Variants in ABCC4 observed in about 807,000 individuals in gnomAD.
The protein encoded by ABCC4 is ATP-binding cassette sub-family C member 4.
A neutral mutation model predicts 168.5 loss-of-function variants in ABCC4; 102 were observed. The observed-to-expected ratio is 0.61, with a 90% CI of 0.52 to 0.71. The LOEUF is 0.71. Ranked by LOEUF, ABCC4 falls within the 30% of genes least tolerant of loss-of-function variation. ABCC4 has a pLI of 0.00. For missense variants in ABCC4, 1,402 were observed against 1,605.8 expected (o/e 0.87, Z 2.17); for synonymous variants, 617 against 590.7 (o/e 1.04, Z -0.65).
chr13:95,194,908 C>T lies in ABCC4; in HGVS notation c.1191G>A (p.Gln397=), dbSNP rs1358827915. Reference sequence around the variant, plus strand: ...CATCTGACGGCAGCTGACGGTTGCGCTGTGATATCTCATCAAGTAGCAAAA... The same window carrying T: ...CATCTGACGGCAGCTGACGGTTGCGTTGTGATATCTCATCAAGTAGCAAAA... ...QTFLLLDEIS[Q]RNRQLPSDGK... is the part of the protein sequence containing the mutation. Residue 397 remains glutamine, a synonymous_variant, in exon 9 of 31, where the codon CAG becomes CAA. Transcript: ENST00000645237. The T allele has an allele frequency of 6.2e-7, 1 of 1,614,080 alleles. No individual in the cohort carries two copies. Among genetic ancestry groups the T allele is most frequent in the Non-Finnish European group, 8.5e-7 (1 of 1,180,002 alleles).
chr13:95,094,789 T>C (rs1043470349), intron 20 of ABCC4, among the ~76,000 whole-genome samples: 3 of 151,270 alleles, frequency 2.0e-5, no homozygotes, highest in Non-Finnish European at 2.9e-5. Flanking sequence ...AAAGGAGTAA[T>C]ATCCAGAGTC....
At chr13:95,220,730 C>T (rs540213229) in intron 4 of ABCC4, among the ~76,000 whole-genome samples, 164 of 152,310 alleles carry the variant, frequency 1.1e-3, no homozygotes, top group African/African-American at 3.7e-3. Context: ...CCCACTTTCT[C>T]GACTCTATGA....
At chr13:95,127,373 C>A (rs766662209) in intron 19 of ABCC4, among the ~76,000 whole-genome samples, 1 of 152,150 alleles carries the variant, frequency 6.6e-6, no homozygotes, top group Non-Finnish European at 1.5e-5. Context: ...GCAACCTCCG[C>A]CTCCTGGGTT....
rs562523130 is a variant in ABCC4, at chr13:95,058,588, A to G, written c.3366+4116T>C. 2.5e-3 allele frequency among the ~76,000 whole-genome samples: 191 copies of G among 77,248 alleles called. 1 individual carries two copies. Among genetic ancestry groups the G allele is most frequent in the African/African-American group, 8.9e-3 (182 of 20,386 alleles). 50.7% of individuals were successfully genotyped at this position (77,248 alleles called of 152,430 possible). ...ATCTCAAAAAAAAAAAAAAAAAAAA[A>G]AAAAGAAAAGAAAAAGAAAAAGAAA... is the stretch of plus-strand genomic sequence containing the variant. On this transcript the variant is annotated intron_variant, in intron 26 of 30. Transcript: ENST00000645237.
intron 3 of ABCC4, among the ~76,000 whole-genome samples, chr13:95,244,576 C>T (rs7324520): frequency 0.48 from 45,280 of 94,280 alleles, 10,659 homozygotes; most frequent in African/African-American, 0.62. Flanking sequence ...TCTCAAAAAA[C>T]AAAATAAAAT....
chr13:95,073,182 A>G (rs1173419940), intron 24 of ABCC4, 22 bp downstream of exon 24: 1 of 1,589,694 alleles, frequency 6.3e-7, no homozygotes, highest in Admixed American at 1.7e-5. Flanking sequence ...GAAAAGGCAA[A>G]GAACGTGAAG....
chr13:95,275,593 T>C (rs2040952117), intron 1 of ABCC4, among the ~76,000 whole-genome samples: 1 of 127,692 alleles, frequency 7.8e-6, no homozygotes, highest in African/African-American at 2.8e-5. Context: ...TATAGGAAAA[T>C]GTTTAGGACT....
chr13:95,028,704 G>GAT (rs2031665660), intron 30 of ABCC4, among the ~76,000 whole-genome samples: 1 of 151,968 alleles, frequency 6.6e-6, no homozygotes, highest in South Asian at 2.1e-4. Context: ...AGGTAATAAA[G>GAT]ATAAAAGCAG....
At chr13:95,152,826 T>C (rs1213506185) in intron 19 of ABCC4, among the ~76,000 whole-genome samples, 2 of 152,142 alleles carry the variant, frequency 1.3e-5, no homozygotes, top group East Asian at 1.9e-4. Flanking sequence ...CAGTTATAAA[T>C]GGAAAACTCT....
At chr13:95,166,984 C>A (rs969839145) in intron 14 of ABCC4, among the ~76,000 whole-genome samples, 1 of 151,964 alleles carries the variant, frequency 6.6e-6, no homozygotes, top group Non-Finnish European at 1.5e-5. Flanking sequence ...GTCAGGAGTT[C>A]GAGACTAGCC....
chr13:95,043,155 T>C (rs975354926), intron 29 of ABCC4, among the ~76,000 whole-genome samples: 2 of 152,234 alleles, frequency 1.3e-5, no homozygotes, highest in South Asian at 2.1e-4. Context: ...AAATCCTTTC[T>C]GTTGGAATCA....
At chr13:95,053,329 A>G (rs1200542658) in intron 26 of ABCC4, 145 bp from the exon 27 acceptor site, 1 of 700,106 alleles carries the variant, frequency 1.4e-6, no homozygotes, top group Non-Finnish European at 2.5e-6. Flanking sequence ...TTACAAAACA[A>G]CATATCTATT....
chr13:95,042,325 A>T (rs909141807), intron 29 of ABCC4, among the ~76,000 whole-genome samples: 6 of 152,152 alleles, frequency 3.9e-5, no homozygotes, highest in Non-Finnish European at 8.8e-5. Flanking sequence ...ATTTACTCCA[A>T]ATCTATCCAT....
At chr13:95,229,568 C>T (rs778957106) in intron 4 of ABCC4, among the ~76,000 whole-genome samples, 1 of 152,304 alleles carries the variant, frequency 6.6e-6, no homozygotes, top group South Asian at 2.1e-4. Context: ...GGAACCACCA[C>T]GGTTCTTCAA....
At chr13:95,172,842 C>G (rs2037526613) in intron 13 of ABCC4, among the ~76,000 whole-genome samples, 1 of 151,930 alleles carries the variant, frequency 6.6e-6, no homozygotes, top group Admixed American at 6.6e-5. Context: ...TCACTTGAGC[C>G]CAGGAGGTAG....
intron 26 of ABCC4, among the ~76,000 whole-genome samples, chr13:95,060,174 C>T (rs1391785579): frequency 1.3e-5 from 2 of 152,166 alleles, no homozygotes; most frequent in Non-Finnish European, 2.9e-5. Flanking sequence ...AGGAAAGTCT[C>T]TCTGTTTACA....
intron 20 of ABCC4, among the ~76,000 whole-genome samples, chr13:95,085,677 C>A (rs1001742522): frequency 3.9e-5 from 6 of 152,170 alleles, no homozygotes; most frequent in Non-Finnish European, 8.8e-5. Flanking sequence ...CCCACCAGCC[C>A]AGCATCTGGC....
intron 29 of ABCC4, 128 bp downstream of exon 29, chr13:95,043,554 G>A (rs796357049): frequency 3.0e-6 from 2 of 672,896 alleles, no homozygotes; most frequent in African/African-American, 3.6e-5. Context: ...AATTACTGCT[G>A]GGAAGAGAGC....
chr13:95,127,437 T>G (rs561093412), intron 19 of ABCC4, among the ~76,000 whole-genome samples: 1 of 152,190 alleles, frequency 6.6e-6, no homozygotes, highest in South Asian at 2.1e-4. Context: ...TGTGCCACCA[T>G]GCCCAGCTAA....
Sources: allele counts gnomAD v4.1 joint callset (sites outside exome capture counted in the v4.1 genomes callset), GRCh38; gene constraint gnomAD v4.1.1; transcripts MANE v1.5; gene names NCBI Gene and HGNC (gene_info 2026-07-23, HGNC 2026-07-21).